The following YBX1 variants were observed in gnomAD, a reference collection of about 807,000 sequenced individuals.
The protein encoded by YBX1 is Y-box-binding protein 1.
In YBX1, 3 loss-of-function variants were observed where a neutral mutation model predicts 41.4. That is an observed-to-expected ratio of 0.07 (90% confidence interval 0.03 to 0.19). The LOEUF (loss-of-function observed/expected upper bound fraction) is 0.19, where lower values mean the gene tolerates loss of function less well. YBX1 is among the 10% of genes least tolerant of loss of function. The probability of loss-of-function intolerance (pLI) is 1.00; values close to 1 mark genes in which losing one functional copy is unlikely to be tolerated. For missense variants in YBX1, 274 were observed against 462.8 expected, an observed-to-expected ratio of 0.59 and a Z score of 3.74; for synonymous variants, 133 against 165.8, an observed-to-expected ratio of 0.80 and a Z score of 1.52.
chr1:42,683,586 C>G, intron 2 of YBX1, 120 bp downstream of exon 2: 2 of 1,053,726 alleles, frequency 1.9e-6, no homozygotes, highest in Admixed American at 2.3e-5. Context: ...TTTACTACCT[C>G]TGGTGTATTA....
At chr1:42,699,098 T>C (rs894514380) in intron 6 of YBX1, among the ~76,000 whole-genome samples, 1 of 152,158 alleles carries the variant, frequency 6.6e-6, no homozygotes, top group Non-Finnish European at 1.5e-5. Flanking sequence ...TGAAATGCAA[T>C]CCAGGATAAC....
chr1:42,690,608 G>A (rs1442548613), intron 2 of YBX1, among the ~76,000 whole-genome samples: 1 of 152,172 alleles, frequency 6.6e-6, no homozygotes, highest in African/African-American at 2.4e-5. Context: ...TGGCCAAGAA[G>A]AATAGAAAGA....
chr1:42,688,825 C>T (rs377518702), intron 2 of YBX1, among the ~76,000 whole-genome samples: 3 of 152,156 alleles, frequency 2.0e-5, no homozygotes, highest in South Asian at 2.1e-4. Flanking sequence ...CTTACCGTAT[C>T]GATAAGTGCA....
intron 6 of YBX1, among the ~76,000 whole-genome samples, chr1:42,698,839 T>TATCAATGAATGCTAGACTTTCCA (rs1650523754): frequency 6.6e-6 from 1 of 152,224 alleles, no homozygotes; most frequent in Non-Finnish European, 1.5e-5. Context: ...GCTTGGAAGT[T>TATCAATGAATGCTAGACTTTCCA]ATCAATGAAT....
In YBX1 at chr1:42,696,185, T is replaced by C. The variant is rs1650454814; in HGVS notation, c.265-14T>C. The C allele has an allele frequency of 6.3e-7, 1 of 1,589,408 alleles. No homozygotes were observed. The highest frequency in any genetic ancestry group is 1.3e-5 in the African/African-American group (1 of 74,122). ...CTCCCCTGTTAATCTATTTTTGGAA[T>C]GTGATATTACTAGACTGCCATAAAG... On this transcript the variant is annotated splice_polypyrimidine_tract_variant and intron_variant, in intron 3 of 7. Coordinates refer to ENST00000321358, the MANE Select transcript of YBX1 (RefSeq NM_004559.5). The surrounding 1 kb of genome is among the most constrained non-coding windows in gnomAD (Gnocchi z 5.7).
intron 2 of YBX1, among the ~76,000 whole-genome samples, 165 bp downstream of exon 2, chr1:42,683,631 A>G (rs1650119021): frequency 6.6e-6 from 1 of 152,190 alleles, no homozygotes; most frequent in Non-Finnish European, 1.5e-5. Flanking sequence ...TTCCTTGATT[A>G]GGGATTAGTG....
chr1:42,698,108 A>G (rs540491025), intron 6 of YBX1, among the ~76,000 whole-genome samples: 1 of 152,318 alleles, frequency 6.6e-6, no homozygotes, highest in South Asian at 2.1e-4. Flanking sequence ...ATTATTCTAG[A>G]AGTATCCAAC....
chr1:42,688,440 TAAAC>T (rs1042435563), intron 2 of YBX1, among the ~76,000 whole-genome samples: 7 of 136,848 alleles, frequency 5.1e-5, no homozygotes, highest in African/African-American at 1.8e-4. Flanking sequence ...TTGAGAAATG[TAAAC>T]AAACATAAAG....
At chr1:42,695,156 A>G (rs1256394213) in intron 3 of YBX1, among the ~76,000 whole-genome samples, 1 of 152,198 alleles carries the variant, frequency 6.6e-6, no homozygotes, top group African/African-American at 2.4e-5. Context: ...AGTGGTTTCA[A>G]CATGTAGTTG....
At chr1:42,689,503 A>T (rs1225149524) in intron 2 of YBX1, among the ~76,000 whole-genome samples, 1 of 152,184 alleles carries the variant, frequency 6.6e-6, no homozygotes, top group Non-Finnish European at 1.5e-5. Flanking sequence ...AATAAGTCTT[A>T]TTTAAGGCAA....
intron 2 of YBX1, among the ~76,000 whole-genome samples, chr1:42,686,148 A>C (rs1039983855): frequency 1.3e-5 from 2 of 152,212 alleles, no homozygotes; most frequent in Non-Finnish European, 2.9e-5. Context: ...AATTGGCAAC[A>C]GTTTATAGTG....
rs767388053 is a variant in YBX1, at chr1:42,683,289, G to C, written c.167-114G>C. ...CCGCACCCGGGCGGTGGAGAGAAAG[G>C]GCTGTCAGGTGGCCGCGGCGGCCGG... On this transcript the variant is annotated intron_variant, in intron 1 of 7. Coordinates refer to ENST00000321358, the MANE Select transcript of YBX1 (RefSeq NM_004559.5). The C allele has an allele frequency of 6.4e-6, 8 of 1,240,450 alleles. No individual in the cohort carries two copies. The African/African-American group carries it at 8.9e-5, about 14-fold the overall frequency. The allele number at this position is 1,240,450 out of a possible 1,614,324, so 76.8% of individuals were successfully genotyped here.
intron 7 of YBX1, among the ~76,000 whole-genome samples, chr1:42,701,424 A>G (rs562935924): frequency 1.3e-5 from 2 of 152,328 alleles, no homozygotes; most frequent in East Asian, 1.9e-4. Context: ...CATTATTTCA[A>G]AAAGGAAGTG....
chr1:42,682,905 G>GGC (rs1180142079), intron 1 of YBX1, 174 bp downstream of exon 1: 7 of 213,680 alleles, frequency 3.3e-5, no homozygotes, highest in Admixed American at 3.2e-4. Flanking sequence ...CCGCCCGGCA[G>GGC]GCGCGCGCGC....
At chr1:42,683,045 C>G (rs1162716631) in intron 1 of YBX1, 5 of 423,594 alleles carry the variant, frequency 1.2e-5, no homozygotes, top group East Asian at 1.1e-4. Context: ...GGCCCGCACG[C>G]CGTTGTTCGC....
chr1:42,696,530 T>G lies in YBX1; in HGVS notation c.355-112T>G. 1 of 541,066 alleles carries G rather than the reference T, an allele frequency of 1.8e-6. No individual in the cohort carries two copies. The highest frequency in any genetic ancestry group is 2.9e-6 in the Non-Finnish European group (1 of 342,470). The allele number at this position is 541,066 out of a possible 1,614,324, so 33.5% of individuals were successfully genotyped here. On this transcript the variant is annotated intron_variant, in intron 4 of 7. Transcript: ENST00000321358. This position sits in a 1 kb window ranked among gnomAD's most constrained non-coding sequence, Gnocchi z 5.7. ...AGTTGCGCCCCCCCCCCCTTTTTTT[T>G]CCTTAACTTTGTTGTTTTTTGCTTT...
chr1:42,686,558 A>T (rs1650202526), intron 2 of YBX1, among the ~76,000 whole-genome samples: 1 of 152,140 alleles, frequency 6.6e-6, no homozygotes, highest in South Asian at 2.1e-4. Flanking sequence ...GTCTAGGAAG[A>T]TGTAATAAAC....
At chr1:42,684,092 C>T (rs1207397778) in intron 2 of YBX1, among the ~76,000 whole-genome samples, 2 of 152,134 alleles carry the variant, frequency 1.3e-5, no homozygotes, top group African/African-American at 4.8e-5. Flanking sequence ...TTTCATTCTT[C>T]CTTGTCCTAG....
intron 2 of YBX1, among the ~76,000 whole-genome samples, chr1:42,683,855 C>T (rs900048493): frequency 6.6e-6 from 1 of 152,034 alleles, no homozygotes; most frequent in Admixed American, 6.6e-5. Flanking sequence ...CCACTGACAT[C>T]GGATATTTAT....
Sources: allele counts gnomAD v4.1 joint callset (sites outside exome capture counted in the v4.1 genomes callset), GRCh38; gene constraint gnomAD v4.1.1; non-coding constraint Gnocchi (gnomAD v3.1); transcripts MANE v1.5; gene names NCBI Gene and HGNC (gene_info 2026-07-23, HGNC 2026-07-21).